The following RUBCN variants were observed in gnomAD, a reference collection of about 807,000 sequenced individuals.
RUBCN encodes the protein run domain Beclin-1-interacting and cysteine-rich domain-containing protein.
Under a neutral mutation model 113.2 loss-of-function variants are expected in RUBCN, and 74 were observed. That is an observed-to-expected ratio of 0.65 (90% CI 0.54 to 0.79). The LOEUF (loss-of-function observed/expected upper bound fraction) is 0.79, where lower values mean the gene tolerates loss of function less well. Ranked by LOEUF, RUBCN falls within the 30% of genes least tolerant of loss-of-function variation. RUBCN has a pLI of 0.00. For synonymous variants in RUBCN, 480 were observed against 490.0 expected (o/e 0.98, Z 0.27); for missense variants, 1,109 against 1,251.7 (o/e 0.89, Z 1.72).
At chr3:197,749,808 G>T (rs1728932326), upstream of RUBCN, 2 of 475,316 alleles carry the variant, frequency 4.2e-6, no homozygotes, top group African/African-American at 2.1e-5. Context: ...GGTCGCCCGC[G>T]AGTGTCGGTG....
At chr3:197,716,584 T>A (rs1288437041) in intron 2 of RUBCN, among the ~76,000 whole-genome samples, 1 of 152,186 alleles carries the variant, frequency 6.6e-6, no homozygotes, top group African/African-American at 2.4e-5. Context: ...GCTTCCTGGC[T>A]GTGGTTGGCT....
intron 6 of RUBCN, among the ~76,000 whole-genome samples, chr3:197,701,467 T>C (rs1241572697): frequency 2.0e-5 from 3 of 152,208 alleles, no homozygotes; most frequent in Non-Finnish European, 4.4e-5. Flanking sequence ...AGTATTGAAA[T>C]GCCTTCTTGG....
intron 9 of RUBCN, 102 bp from the exon 10 acceptor site, chr3:197,694,687 G>T: frequency 1.0e-6 from 1 of 994,598 alleles, no homozygotes; most frequent in Non-Finnish European, 1.6e-6. Flanking sequence ...AACTGTTCCT[G>T]CCAAAAACAC....
At position 197,683,487 on chromosome 3, in the gene RUBCN, C is replaced by A; in HGVS notation, c.1848-48G>T. 2 of 1,608,602 alleles carry A rather than the reference C, an allele frequency of 1.2e-6. No individual in the cohort carries two copies. The highest frequency in any genetic ancestry group is 8.5e-7 in the Non-Finnish European group (1 of 1,177,044). On this transcript the variant is annotated intron_variant, in intron 12 of 19. Coordinates refer to ENST00000296343, the MANE Select transcript of RUBCN (RefSeq NM_014687.4). This position sits in a 1 kb window ranked among gnomAD's most constrained non-coding sequence, Gnocchi z 4.6. ...CGGCTGAACACAGGGAAAGGATGGGCGATGCGAGGCTTCCCTTCATGATCT... is the reference window on the plus strand; with the variant it reads ...CGGCTGAACACAGGGAAAGGATGGGAGATGCGAGGCTTCCCTTCATGATCT...
intron 1 of RUBCN, among the ~76,000 whole-genome samples, chr3:197,722,211 C>T (rs1404550802): frequency 6.6e-6 from 1 of 151,440 alleles, no homozygotes; most frequent in Non-Finnish European, 1.5e-5. Context: ...GCACTCCAGC[C>T]TGGGTGACAG....
intron 1 of RUBCN, among the ~76,000 whole-genome samples, chr3:197,723,882 G>T (rs563944052): frequency 6.6e-6 from 1 of 152,002 alleles, no homozygotes; most frequent in South Asian, 2.1e-4. Flanking sequence ...ATCACCTGAG[G>T]TCAGGAGTTC....
chr3:197,704,452 T>C (rs943022017), intron 4 of RUBCN, 90 bp downstream of exon 4: 33 of 1,264,840 alleles, frequency 2.6e-5, no homozygotes, highest in Admixed American at 5.1e-5. Context: ...AAAAGAAAAA[T>C]AGGAGGCCCT....
chr3:197,693,143 C>T lies in RUBCN; in HGVS notation c.1786+572G>A, dbSNP rs371101106. Among the ~76,000 whole-genome samples, 55 of 152,234 alleles carry T rather than the reference C, an allele frequency of 3.6e-4. 1 individual carries two copies. In the East Asian group the frequency reaches 6.0e-3, roughly 17 times the overall value. On this transcript the variant is annotated intron_variant, in intron 11 of 19. Coordinates refer to ENST00000296343, the MANE Select transcript of RUBCN (RefSeq NM_014687.4). ...TAACCTGATTTAACATAACTGCCTT[C>T]CCAGACTGGAACCCCACTGTTCCTC...
rs374214486 is a variant in RUBCN, at chr3:197,677,558, G to A, written c.2431-17C>T. 1.1e-5 allele frequency: 18 copies of A among 1,612,784 alleles called. No homozygotes were observed. Among genetic ancestry groups the A allele is most frequent in the Middle Eastern group, 1.7e-4 (1 of 5,922 alleles). On this transcript the variant is annotated splice_polypyrimidine_tract_variant and intron_variant, in intron 16 of 19. Transcript: ENST00000296343. ...CCGCAGCAGCTGAAAAGAAAGAGAGGGGGGCAGGAGTGGGAGGGAGATGTG... is the reference window on the plus strand; with the variant it reads ...CCGCAGCAGCTGAAAAGAAAGAGAGAGGGGCAGGAGTGGGAGGGAGATGTG...
intron 1 of RUBCN, among the ~76,000 whole-genome samples, chr3:197,731,760 C>A (rs896566500): frequency 9.9e-5 from 15 of 150,850 alleles, no homozygotes; most frequent in Non-Finnish European, 1.5e-4. Context: ...CTGACCCCCC[C>A]ACCTCCCTCC....
chr3:197,690,057 T>C (rs1722258357), intron 11 of RUBCN, among the ~76,000 whole-genome samples: 1 of 152,248 alleles, frequency 6.6e-6, no homozygotes, highest in African/African-American at 2.4e-5. Context: ...CGGGAGCTCC[T>C]GTAATATTTG....
At chr3:197,736,991 C>A, upstream of RUBCN, 1 of 1,215,836 alleles carries the variant, frequency 8.2e-7, no homozygotes, top group Non-Finnish European at 1.0e-6. Context: ...CAATCCCAGG[C>A]CGCGCTCGCA....
rs546142533 is a variant in RUBCN at position 197,731,131 on chromosome 3, G to A, written c.65+5524C>T. On this transcript the variant is annotated intron_variant, in intron 1 of 19. Transcript: ENST00000296343. Reference sequence around the variant, plus strand: ...AAGGTCTCCGGTTTTCCTAGGCAGAGGACCCTGCGGCCTTCCGCAGTGTTT... The same window carrying A: ...AAGGTCTCCGGTTTTCCTAGGCAGAAGACCCTGCGGCCTTCCGCAGTGTTT... Among the ~76,000 whole-genome samples the A allele has an allele frequency of 1.0e-3, 151 of 151,744 alleles. 1 individual carries two copies. The highest frequency in any genetic ancestry group is 3.5e-3 in the African/African-American group (145 of 41,422).
In RUBCN at chr3:197,676,914, C is replaced by T. The variant is rs186194483; in HGVS notation, c.2617G>A (p.Ala873Thr). 1 of 1,614,234 alleles carries T rather than the reference C, an allele frequency of 6.2e-7. No individual in the cohort carries two copies. The highest frequency in any genetic ancestry group is 1.1e-5 in the South Asian group (1 of 91,088). The change falls in exon 18 of 20, where the codon GCA becomes ACA. Residue 873 changes from alanine (A) to threonine (T), a missense_variant. By Grantham distance (58) the Ala-to-Thr change is moderately conservative. Around this residue, in one of 3 missense-constraint regions of RUBCN, gnomAD observed 306 missense variants for 348.9 expected, o/e 0.88. Transcript: ENST00000296343. ...LGPRLAELTR[A>T]GATHVERCML... ...CATCTCTCCACATGGGTAGCCCCTG[C>T]CCTGGTGAGCTCAGCAAGCCGGGGC...
chr3:197,726,004 T>C (rs9830507), intron 1 of RUBCN, among the ~76,000 whole-genome samples: 17,296 of 152,172 alleles, frequency 0.11, 1,221 homozygotes, highest in African/African-American at 0.19. Context: ...CCACCTGGAA[T>C]GCCTGTTCTC....
At position 197,682,843 on chromosome 3, in the gene RUBCN, A is replaced by G. The variant is rs1362698711; in HGVS notation, c.1981-228T>C. Reference sequence around the variant, plus strand: ...GATAAGGGCTTCAGGGAACCTCAGAAACAACCAGGAGGCGCCAAGGTACTA... The same window carrying G: ...GATAAGGGCTTCAGGGAACCTCAGAGACAACCAGGAGGCGCCAAGGTACTA... On this transcript the variant is annotated intron_variant, in intron 13 of 19. Coordinates refer to ENST00000296343, the MANE Select transcript of RUBCN (RefSeq NM_014687.4). Among the ~76,000 whole-genome samples, 5 of 152,214 alleles carry G rather than the reference A, an allele frequency of 3.3e-5. No homozygotes were observed. The East Asian group carries it at 9.6e-4, about 29-fold the overall frequency.
chr3:197,678,865 C>T (rs1332334088), intron 16 of RUBCN, among the ~76,000 whole-genome samples: 18 of 149,486 alleles, frequency 1.2e-4, no homozygotes, highest in Admixed American at 2.0e-4. Context: ...GACTGTCCTA[C>T]GCTCTAACTG....
intron 1 of RUBCN, among the ~76,000 whole-genome samples, chr3:197,735,215 G>A (rs1727982902): frequency 6.6e-6 from 1 of 152,126 alleles, no homozygotes; most frequent in African/African-American, 2.4e-5. Flanking sequence ...TGGGCAATAT[G>A]GTGAGACCCT....
chr3:197,733,040 A>G (rs1452768918), intron 1 of RUBCN, among the ~76,000 whole-genome samples: 1 of 152,260 alleles, frequency 6.6e-6, no homozygotes, highest in East Asian at 1.9e-4. Context: ...CAGGTTACGT[A>G]AAGTAACTTG....
Sources: allele counts gnomAD v4.1 joint callset (sites outside exome capture counted in the v4.1 genomes callset), GRCh38; gene constraint gnomAD v4.1.1; regional missense constraint gnomAD v4.1.1; non-coding constraint Gnocchi (gnomAD v3.1); transcripts MANE v1.5; gene names NCBI Gene and HGNC (gene_info 2026-07-23, HGNC 2026-07-21).